Variants in LRP4 observed in about 807,000 individuals in gnomAD.
The protein encoded by LRP4 is LDL receptor related protein 4, also known as low-density lipoprotein receptor-related protein 4.
LRP4 carries 95 observed loss-of-function variants against 220.3 expected under a neutral mutation model. That is an observed-to-expected ratio of 0.43 (90% CI 0.37 to 0.51). The LOEUF (loss-of-function observed/expected upper bound fraction) is 0.51. Among genes scored for constraint, LRP4 ranks in the 20% least tolerant of loss-of-function variants. The pLI is 0.00. For missense variants in LRP4, 1,925 were observed against 2,567.0 expected (o/e 0.75, Z 5.40); for synonymous variants, 903 against 954.6 (o/e 0.95, Z 1.00).
intron 19 of LRP4, 152 bp downstream of exon 19, chr11:46,883,719 C>T (rs893807857): frequency 3.1e-6 from 2 of 635,826 alleles, no homozygotes; most frequent in Non-Finnish European, 5.6e-6. Flanking sequence ...CAGAGCTGGT[C>T]TTGGCAACCA....
chr11:46,868,662 G>A lies in LRP4; in HGVS notation c.4889C>T (p.Ala1630Val), dbSNP rs1304821330. 2.5e-6 allele frequency: 4 copies of A among 1,614,032 alleles called. No homozygotes were observed. The highest frequency in any genetic ancestry group is 2.7e-5 in the African/African-American group (2 of 74,912). Reference protein sequence around the residue: ...NNGGCTHLCFARASDFVCACP... With the variant: ...NNGGCTHLCFVRASDFVCACP... ...GGCACATACGAAGTCCGAGGCTCTG[G>A]CAAAGCAGAGGTGGGTGCAGCCACC... Residue 1630 changes from alanine to valine, a missense_variant, in exon 33 of 38, where the codon GCC (alanine) becomes GTC (valine). Physicochemically the swap from Ala to Val is moderately conservative, Grantham distance 64. Transcript: ENST00000378623.
Position 46,902,774 on chromosome 11 carries a change from G to C in LRP4, c.199+9C>G, listed in dbSNP as rs1197196026. On this transcript the variant is annotated intron_variant, in intron 2 of 37. Coordinates refer to ENST00000378623, the MANE Select transcript of LRP4 (RefSeq NM_002334.4). ...CACCACCTCCCACTGCCTCTGGGGA[G>C]GTACTTACTACATCCATCCTCATCG... 1 of 1,613,806 alleles carries C rather than the reference G, an allele frequency of 6.2e-7. No homozygotes were observed. The highest frequency in any genetic ancestry group is 1.3e-5 in the African/African-American group (1 of 74,918).
In LRP4 at chr11:46,873,300, C is replaced by T. The variant is rs1027694727; in HGVS notation, c.4449-66G>A. 3.3e-5 allele frequency: 54 copies of T among 1,612,534 alleles called. No homozygotes were observed. The highest frequency in any genetic ancestry group is 4.3e-5 in the Non-Finnish European group (51 of 1,179,040). On this transcript the variant is annotated intron_variant, in intron 29 of 37. Transcript: ENST00000378623. This position sits in a 1 kb window ranked among gnomAD's most constrained non-coding sequence, Gnocchi z 4.2. Reference sequence around the variant, plus strand: ...ACAGCACCCAGAGGTTGAGAGAACACAGAGGACCCACTAACACCATCTTTC... The same window carrying T: ...ACAGCACCCAGAGGTTGAGAGAACATAGAGGACCCACTAACACCATCTTTC...
chr11:46,883,160 GGAAA>G (rs1941201572), intron 19 of LRP4, among the ~76,000 whole-genome samples: 1 of 152,132 alleles, frequency 6.6e-6, no homozygotes, highest in African/African-American at 2.4e-5. Flanking sequence ...AAAAAGATAA[GGAAA>G]GAAAGAATTG....
At chr11:46,876,389 C>T (rs763019698) in intron 25 of LRP4, 77 bp downstream of exon 25, 13 of 1,568,170 alleles carry the variant, frequency 8.3e-6, no homozygotes, top group Non-Finnish European at 1.1e-5. Context: ...TTCCTCTCCA[C>T]TACCCACCTT....
At chr11:46,884,901 G>C (rs1169158487) in intron 18 of LRP4, among the ~76,000 whole-genome samples, 1 of 152,092 alleles carries the variant, frequency 6.6e-6, no homozygotes, top group African/African-American at 2.4e-5. Context: ...AGCAGAGCGA[G>C]ACTCCATCTC....
chr11:46,874,572 T>G (rs571294919), intron 28 of LRP4, among the ~76,000 whole-genome samples: 6 of 152,304 alleles, frequency 3.9e-5, no homozygotes, highest in African/African-American at 1.2e-4. Flanking sequence ...ACCTGTTTTT[T>G]TTGTTGTTGT....
chr11:46,886,449 A>C lies in LRP4; in HGVS notation c.2300T>G (p.Ile767Ser). 6.2e-7 allele frequency: 1 copy of C among 1,614,106 alleles called. No homozygotes were observed. Residue 767 changes from isoleucine to serine, a missense_variant, in exon 17 of 38, where the codon ATC (isoleucine) becomes AGC (serine). Around this residue, in one of 3 missense-constraint regions of LRP4, gnomAD observed 1,244 missense variants for 1,624.9 expected, o/e 0.77. Transcript: ENST00000378623. ...AGCACTGCGCACGTCAGCCAGTGGG[A>C]TGACATCATCAGACAGGTCCTCTGT... Reference protein sequence around the residue: ...FDTEDLSDDVIPLADVRSAVA... With the variant: ...FDTEDLSDDVSPLADVRSAVA...
At chr11:46,878,041 A>G (rs1941060930) in intron 22 of LRP4, among the ~76,000 whole-genome samples, 1 of 152,006 alleles carries the variant, frequency 6.6e-6, no homozygotes, top group Non-Finnish European at 1.5e-5. Flanking sequence ...TTCTCACTCA[A>G]ATTCCCAGGG....
chr11:46,867,910 G>A, intron 34 of LRP4, 69 bp downstream of exon 34: 1 of 1,597,600 alleles, frequency 6.3e-7, no homozygotes, highest in South Asian at 1.1e-5. Flanking sequence ...ATCAAGCTGG[G>A]ACTATGAGTT....
At chr11:46,901,412 T>A (rs943778361) in intron 2 of LRP4, among the ~76,000 whole-genome samples, 14 of 152,220 alleles carry the variant, frequency 9.2e-5, no homozygotes, top group Non-Finnish European at 1.8e-4. Context: ...GAAGTCTTTT[T>A]GGCTGTACAA....
At chr11:46,881,215 T>C (rs1196918751) in intron 20 of LRP4, among the ~76,000 whole-genome samples, 1 of 152,160 alleles carries the variant, frequency 6.6e-6, no homozygotes, top group Non-Finnish European at 1.5e-5. Flanking sequence ...CTGTCTCCAC[T>C]CTAATTTCAG....
chr11:46,890,113 C>T lies in LRP4; in HGVS notation c.1923G>A (p.Pro641=), dbSNP rs138624590. The stretch of plus-strand genomic sequence containing the variant: ...CAAACACTGTGATGGCGAAGGGATG[C>T]GGGAGGCCTGGGGAAAGTCCAGGAA... ...HRKAVISQGL[P]HPFAITVFED... is the part of the protein sequence containing the mutation. The change falls in exon 15 of 38, where the codon CCG becomes CCA. Residue 641 remains proline, a synonymous_variant. Transcript: ENST00000378623. This position sits in a 1 kb window ranked among gnomAD's most constrained non-coding sequence, Gnocchi z 5.3. 64 of 1,613,862 alleles carry T rather than the reference C, an allele frequency of 4.0e-5. No individual in the cohort carries two copies. Among genetic ancestry groups the T allele is most frequent in the Non-Finnish European group, 4.7e-5 (55 of 1,180,016 alleles).
At chr11:46,898,832 G>T in intron 6 of LRP4, 72 bp downstream of exon 6, 1 of 1,609,372 alleles carries the variant, frequency 6.2e-7, no homozygotes, top group South Asian at 1.1e-5. Context: ...CCCAGCTGGC[G>T]ACTGTGCCTT....
At chr11:46,868,161 C>T in intron 33 of LRP4, 47 bp from the exon 34 acceptor site, 1 of 1,612,332 alleles carries the variant, frequency 6.2e-7, no homozygotes. Flanking sequence ...CCATAAACAT[C>T]TACATATGGC....
intron 13 of LRP4, among the ~76,000 whole-genome samples, chr11:46,891,144 C>T (rs1026418414): frequency 4.6e-5 from 7 of 151,998 alleles, no homozygotes; most frequent in African/African-American, 1.2e-4. Context: ...TTTTGAGACT[C>T]GCTCTGTTGC....
intron 1 of LRP4, among the ~76,000 whole-genome samples, chr11:46,917,992 A>G (rs1028562053): frequency 2.0e-5 from 3 of 152,152 alleles, no homozygotes; most frequent in Admixed American, 1.3e-4. Flanking sequence ...AAGGACACAG[A>G]GCCCCCGACC....
intron 12 of LRP4, 145 bp from the exon 13 acceptor site, chr11:46,893,274 T>G: frequency 1.3e-6 from 1 of 786,138 alleles, no homozygotes; most frequent in Non-Finnish European, 2.2e-6. Context: ...CATTTAAGCA[T>G]CACAACTCTG....
intron 20 of LRP4, 39 bp downstream of exon 20, chr11:46,881,663 T>G: frequency 2.5e-6 from 4 of 1,595,934 alleles, no homozygotes; most frequent in Non-Finnish European, 3.4e-6. Context: ...GGAAGATGTT[T>G]TAGTGCCACC....
Sources: gnomAD v4.1 joint callset for allele counts (sites outside exome capture counted in the v4.1 genomes callset) on GRCh38, gnomAD v4.1.1 for gene constraint, gnomAD v4.1.1 regional missense constraint, Gnocchi (gnomAD v3.1) non-coding constraint, MANE v1.5 for transcripts, NCBI Gene and HGNC (gene_info 2026-07-23, HGNC 2026-07-21) for gene names.